Variants in RNFT2 observed in about 807,000 individuals in gnomAD.
RNFT2 encodes E3 ubiquitin-protein ligase RNFT2.
RNFT2 carries 36 observed loss-of-function variants against 53.0 expected under a neutral mutation model. The observed-to-expected ratio is 0.68, with a 90% confidence interval of 0.52 to 0.90. RNFT2 has a LOEUF of 0.90. RNFT2 is among the 40% of genes least tolerant of loss of function. The pLI, the probability that RNFT2 is intolerant of heterozygous loss-of-function variation, is 0.00. For missense variants in RNFT2, 514 were observed against 585.6 expected, an observed-to-expected ratio of 0.88 and a Z score of 1.26; for synonymous variants, 260 against 253.2, an observed-to-expected ratio of 1.03 and a Z score of -0.26.
At chr12:116,788,219 G>A (rs868547698) in intron 7 of RNFT2, among the ~76,000 whole-genome samples, 2 of 152,186 alleles carry the variant, frequency 1.3e-5, no homozygotes, top group Admixed American at 1.3e-4. Context: ...GAGCCACTGC[G>A]CCCAGCCTCT....
chr12:116,815,757 T>A (rs1266416841), intron 7 of RNFT2, among the ~76,000 whole-genome samples: 1 of 152,210 alleles, frequency 6.6e-6, no homozygotes, highest in Non-Finnish European at 1.5e-5. Context: ...ATGGACATCT[T>A]TGGGGCGGGG....
chr12:116,741,643 C>G (rs1457707043), intron 3 of RNFT2, among the ~76,000 whole-genome samples: 1 of 152,154 alleles, frequency 6.6e-6, no homozygotes, highest in Non-Finnish European at 1.5e-5. Context: ...CCAATACGAT[C>G]AAATTACAGG....
chr12:116,776,733 T>C (rs1347695630), intron 6 of RNFT2, among the ~76,000 whole-genome samples: 2 of 152,124 alleles, frequency 1.3e-5, no homozygotes, highest in East Asian at 3.9e-4. Flanking sequence ...TTCTCCCTGC[T>C]TTGGAGGAGA....
chr12:116,841,630 C>T (rs1202417721), intron 10 of RNFT2, among the ~76,000 whole-genome samples: 1 of 149,606 alleles, frequency 6.7e-6, no homozygotes, highest in Non-Finnish European at 1.5e-5. Flanking sequence ...CACCTGTAGT[C>T]CCAGCTACTC....
intron 7 of RNFT2, among the ~76,000 whole-genome samples, chr12:116,801,923 G>A (rs1426391752): frequency 6.6e-6 from 1 of 152,060 alleles, no homozygotes; most frequent in African/African-American, 2.4e-5. Flanking sequence ...CCAGGTTCAA[G>A]CGATTCTCCT....
intron 7 of RNFT2, among the ~76,000 whole-genome samples, chr12:116,782,736 T>C (rs898474298): frequency 1.3e-5 from 2 of 152,030 alleles, no homozygotes; most frequent in Non-Finnish European, 2.9e-5. Context: ...CTGTTATTCC[T>C]ACCACCCCCT....
intron 10 of RNFT2, among the ~76,000 whole-genome samples, chr12:116,848,819 T>G (rs1277765282): frequency 2.0e-5 from 3 of 150,510 alleles, no homozygotes; most frequent in Non-Finnish European, 3.0e-5. Context: ...TGTTTGTTTG[T>G]TTTTTGTTTT....
At chr12:116,824,631 C>A (rs1318514002) in intron 7 of RNFT2, among the ~76,000 whole-genome samples, 1 of 152,160 alleles carries the variant, frequency 6.6e-6, no homozygotes, top group Non-Finnish European at 1.5e-5. Context: ...AAGGTGAAAG[C>A]TTCTCTGAAG....
intron 3 of RNFT2, among the ~76,000 whole-genome samples, chr12:116,745,826 TG>T (rs1209499935): frequency 6.6e-6 from 1 of 152,196 alleles, no homozygotes; most frequent in Non-Finnish European, 1.5e-5. Flanking sequence ...GAGTGCCAGG[TG>T]CATTGTGCCG....
At position 116,741,057 on chromosome 12, in the gene RNFT2, C is replaced by T. The variant is rs1303374273; in HGVS notation, c.46C>T (p.Arg16Cys). 17 of 1,611,040 alleles carry T rather than the reference C, an allele frequency of 1.1e-5. No homozygotes were observed. The highest frequency in any genetic ancestry group is 1.4e-5 in the Non-Finnish European group (17 of 1,178,548). ...VNQVLRKMQR[R>C]HSSNTDNIPP... Reference sequence around the variant, plus strand: ...TTAGGTGTTAAGGAAGATGCAGAGACGCCACAGCAGCAACACGGATAACAT... The same window carrying T: ...TTAGGTGTTAAGGAAGATGCAGAGATGCCACAGCAGCAACACGGATAACAT... The change falls in exon 3 of 11, where the codon CGC becomes TGC. Residue 16 changes from arginine to cysteine, a missense_variant. Around this residue, in one of 3 missense-constraint regions of RNFT2, gnomAD observed 237 missense variants for 235.1 expected, o/e 1.01. Coordinates refer to ENST00000257575, the MANE Select transcript of RNFT2 (RefSeq NM_001382266.1).
At chr12:116,803,804 C>T (rs180764839) in intron 7 of RNFT2, among the ~76,000 whole-genome samples, 1 of 152,300 alleles carries the variant, frequency 6.6e-6, no homozygotes, top group East Asian at 1.9e-4. Context: ...CCTCAGTCTC[C>T]ACTGGAACCT....
At chr12:116,844,864 C>T (rs1309667854) in intron 10 of RNFT2, among the ~76,000 whole-genome samples, 2 of 152,076 alleles carry the variant, frequency 1.3e-5, no homozygotes, top group African/African-American at 4.8e-5. Flanking sequence ...ATAGTTAAGT[C>T]CCATTTGGTT....
At chr12:116,799,946 T>C (rs977685801) in intron 7 of RNFT2, among the ~76,000 whole-genome samples, 2 of 152,318 alleles carry the variant, frequency 1.3e-5, no homozygotes, top group South Asian at 2.1e-4. Context: ...GTGAATCTCA[T>C]GTGAATGGCG....
chr12:116,841,298 C>T (rs1034004670), intron 10 of RNFT2, among the ~76,000 whole-genome samples: 1 of 151,980 alleles, frequency 6.6e-6, no homozygotes, highest in African/African-American at 2.4e-5. Context: ...ACAAAAAATA[C>T]AAAAATTAGC....
Position 116,850,215 on chromosome 12 carries a change from C to T in RNFT2, c.*767C>T. The T allele has an allele frequency of 7.2e-6, 1 of 139,422 alleles. No homozygotes were observed. The highest frequency in any genetic ancestry group is 1.5e-5 in the Non-Finnish European group (1 of 66,146). The allele number at this position is 139,422 out of a possible 1,614,324, so 8.6% of individuals were successfully genotyped here. A position where few individuals can be genotyped will look rare whatever the true frequency, so the allele number is the denominator to read the frequency against. On this transcript the variant is annotated 3_prime_UTR_variant, in exon 11 of 11. Coordinates refer to ENST00000257575, the MANE Select transcript of RNFT2 (RefSeq NM_001382266.1). ...TTCACCCAGGCTGGAGTGCAGTTGG[C>T]ACAATCACAGCTCACTGCAACCTTG...
At chr12:116,843,643 C>T (rs1877465629) in intron 10 of RNFT2, among the ~76,000 whole-genome samples, 2 of 152,070 alleles carry the variant, frequency 1.3e-5, no homozygotes, top group South Asian at 2.1e-4. Context: ...CCTCTGTAGA[C>T]GTTCATCCCT....
At chr12:116,806,974 C>T (rs561714943) in intron 7 of RNFT2, among the ~76,000 whole-genome samples, 3 of 152,286 alleles carry the variant, frequency 2.0e-5, no homozygotes, top group East Asian at 3.9e-4. Flanking sequence ...GTGTTCCTCT[C>T]CCTTTTTACA....
intron 6 of RNFT2, among the ~76,000 whole-genome samples, chr12:116,775,691 G>A (rs1056576625): frequency 1.3e-5 from 2 of 152,168 alleles, no homozygotes; most frequent in Admixed American, 6.5e-5. Context: ...TTAAAGTACT[G>A]GGTAAACAAT....
rs573815680 is a variant in RNFT2 at position 116,844,939 on chromosome 12, C to CGG, written c.1201-4375_1201-4374insGG. On this transcript the variant is annotated intron_variant, in intron 10 of 10. Transcript: ENST00000257575. Reference sequence around the variant, plus strand: ...ACTCAGCATAAAACCAGGTTCTGCCCTCAGAAAGCTCTCAATCCAGTGGCT... The same window carrying CGG: ...ACTCAGCATAAAACCAGGTTCTGCCCGGTCAGAAAGCTCTCAATCCAGTGGCT... Among the ~76,000 whole-genome samples, 623 of 152,150 alleles carry CGG rather than the reference C, an allele frequency of 4.1e-3. 2 individuals carry two copies. The highest frequency in any genetic ancestry group is 0.013 in the African/African-American group (552 of 41,510).
Sources: allele counts gnomAD v4.1 joint callset (sites outside exome capture counted in the v4.1 genomes callset), GRCh38; gene constraint gnomAD v4.1.1; regional missense constraint gnomAD v4.1.1; transcripts MANE v1.5; gene names NCBI Gene and HGNC (gene_info 2026-07-23, HGNC 2026-07-21).